Variants in EYS observed in about 807,000 individuals in gnomAD.
The protein encoded by EYS is protein eyes shut homolog.
Under a neutral mutation model 282.1 loss-of-function variants are expected in EYS, and 250 were observed. The observed-to-expected ratio is 0.89, with a 90% CI of 0.80 to 0.98. The LOEUF is 0.98. EYS is among the 50% of genes least tolerant of loss of function. EYS has a pLI of 0.00. For synonymous variants in EYS, 1,355 were observed against 1,282.9 expected, an observed-to-expected ratio of 1.06 and a Z score of -1.20; for missense variants, 4,016 against 3,709.0, an observed-to-expected ratio of 1.08 and a Z score of -2.15.
At chr6:63,976,704 G>A (rs1237862295) in intron 35 of EYS, among the ~76,000 whole-genome samples, 2 of 151,970 alleles carry the variant, frequency 1.3e-5, no homozygotes, top group African/African-American at 4.8e-5. Flanking sequence ...TTGGTATGTG[G>A]TTTATACAAT....
chr6:64,023,461 C>T (rs1335206910), intron 33 of EYS, among the ~76,000 whole-genome samples: 1 of 152,244 alleles, frequency 6.6e-6, no homozygotes, highest in Non-Finnish European at 1.5e-5. Flanking sequence ...TTACGCTGTA[C>T]ATGGTAAAAT....
chr6:65,600,634 T>G (rs1765583699), intron 2 of EYS, among the ~76,000 whole-genome samples: 1 of 152,078 alleles, frequency 6.6e-6, no homozygotes, highest in Non-Finnish European at 1.5e-5. Context: ...ACGTGCATTT[T>G]GTGGTACCGC....
rs535335897 is a variant in EYS at position 63,844,689 on chromosome 6, C to T, written c.7228+19497G>A. ...GAAGTGTCTGTTCATATCCTTTGCA[C>T]GCTTTTTAATGGGGCTGTTTATTTT... On this transcript the variant is annotated intron_variant, in intron 36 of 42. Coordinates refer to ENST00000503581, the MANE Select transcript of EYS (RefSeq NM_001142800.2). Among the ~76,000 whole-genome samples, 34 of 151,916 alleles carry T rather than the reference C, an allele frequency of 2.2e-4. 1 individual carries two copies. Among genetic ancestry groups the T allele is most frequent in the South Asian group, 1.0e-3 (5 of 4,810 alleles).
At chr6:64,003,546 C>T (rs1768196768) in intron 33 of EYS, among the ~76,000 whole-genome samples, 1 of 152,010 alleles carries the variant, frequency 6.6e-6, no homozygotes, top group Non-Finnish European at 1.5e-5. Context: ...CAAAACATCC[C>T]ATATACCCCA....
At chr6:64,414,483 A>C (rs1323995679) in intron 28 of EYS, among the ~76,000 whole-genome samples, 4 of 152,200 alleles carry the variant, frequency 2.6e-5, no homozygotes, top group African/African-American at 9.6e-5. Flanking sequence ...GAAACAAAAT[A>C]AGTAAGAGAA....
intron 2 of EYS, among the ~76,000 whole-genome samples, chr6:65,570,127 T>TA (rs1481013254): frequency 3.2e-4 from 35 of 109,912 alleles, no homozygotes; most frequent in Middle Eastern, 4.1e-3. Context: ...AAATAAAAAA[T>TA]AAAATAAAAA....
intron 13 of EYS, among the ~76,000 whole-genome samples, chr6:65,022,860 T>C (rs905059379): frequency 6.6e-6 from 1 of 152,030 alleles, no homozygotes; most frequent in African/African-American, 2.4e-5. Context: ...AGGGAGAGAA[T>C]ATAGAGATAT....
chr6:64,511,121 C>T (rs1346964359), intron 26 of EYS, among the ~76,000 whole-genome samples: 1 of 151,142 alleles, frequency 6.6e-6, no homozygotes, highest in African/African-American at 2.4e-5. Context: ...TAAAAAAAAT[C>T]ACTAAAATCA....
intron 12 of EYS, among the ~76,000 whole-genome samples, chr6:65,177,758 T>C (rs940310133): frequency 6.6e-6 from 1 of 151,912 alleles, no homozygotes; most frequent in Non-Finnish European, 1.5e-5. Flanking sequence ...ACTGTCTTTT[T>C]TTGTTAATGA....
At chr6:65,045,295 T>A (rs949258447) in intron 13 of EYS, among the ~76,000 whole-genome samples, 1 of 151,910 alleles carries the variant, frequency 6.6e-6, no homozygotes, top group Non-Finnish European at 1.5e-5. Context: ...TATTTCCATT[T>A]AACTCTGTGC....
intron 11 of EYS, among the ~76,000 whole-genome samples, chr6:65,313,077 C>A (rs989176956): frequency 6.6e-6 from 1 of 152,262 alleles, no homozygotes; most frequent in Non-Finnish European, 1.5e-5. Flanking sequence ...TTTCCTCACA[C>A]CTCTTAAAGA....
At chr6:65,670,616 G>T (rs1161126387) in intron 1 of EYS, among the ~76,000 whole-genome samples, 2 of 151,820 alleles carry the variant, frequency 1.3e-5, no homozygotes, top group African/African-American at 2.4e-5. Context: ...TGAGAAATTT[G>T]AACAATTGAT....
At chr6:64,403,565 G>T (rs748871469) in intron 28 of EYS, among the ~76,000 whole-genome samples, 4 of 152,046 alleles carry the variant, frequency 2.6e-5, no homozygotes, top group Non-Finnish European at 4.4e-5. Flanking sequence ...CACCATATTG[G>T]CCAGGCTGGT....
At chr6:64,203,229 A>G (rs892560560) in intron 31 of EYS, among the ~76,000 whole-genome samples, 3 of 152,214 alleles carry the variant, frequency 2.0e-5, no homozygotes, top group Non-Finnish European at 4.4e-5. Flanking sequence ...CAGTTCGTGA[A>G]CAGAGTAGCC....
At chr6:65,412,505 AT>A (rs548750680) in intron 5 of EYS, among the ~76,000 whole-genome samples, 3 of 152,052 alleles carry the variant, frequency 2.0e-5, no homozygotes, top group Non-Finnish European at 4.4e-5. Flanking sequence ...TCGTGTTATC[AT>A]TTTTTTATTT....
chr6:64,468,261 G>A (rs9359941), intron 26 of EYS, among the ~76,000 whole-genome samples: 48,196 of 152,078 alleles, frequency 0.32, 7,744 homozygotes, highest in East Asian at 0.5. Context: ...AACTGACACC[G>A]CTGCCACTGA....
intron 29 of EYS, among the ~76,000 whole-genome samples, chr6:64,318,059 G>A (rs1247837130): frequency 6.6e-6 from 1 of 151,920 alleles, no homozygotes; most frequent in Non-Finnish European, 1.5e-5. Context: ...GAATAGCATT[G>A]GGAGAAATAT....
At chr6:64,597,612 A>G (rs538833283) in intron 24 of EYS, among the ~76,000 whole-genome samples, 103 of 152,282 alleles carry the variant, frequency 6.8e-4, no homozygotes, top group Admixed American at 2.0e-3. Flanking sequence ...AGACACAGAA[A>G]GACAAATACC....
intron 22 of EYS, among the ~76,000 whole-genome samples, chr6:64,773,081 C>T (rs796391312): frequency 1.1e-4 from 16 of 151,840 alleles, no homozygotes; most frequent in South Asian, 8.3e-4. Flanking sequence ...TCTTCACCCA[C>T]GTTTTCAGAA....
Sources: gnomAD v4.1 joint callset for allele counts (sites outside exome capture counted in the v4.1 genomes callset) on GRCh38, gnomAD v4.1.1 for gene constraint, MANE v1.5 for transcripts, NCBI Gene and HGNC (gene_info 2026-07-23, HGNC 2026-07-21) for gene names.